The following PTPRT variants were observed in gnomAD, a reference collection of about 807,000 sequenced individuals.
The protein encoded by PTPRT is receptor-type tyrosine-protein phosphatase T.
A neutral mutation model predicts 176.8 loss-of-function variants in PTPRT; 56 were observed. That is an observed-to-expected ratio of 0.32 (90% CI 0.26 to 0.40). PTPRT has a LOEUF of 0.40. Ranked by LOEUF, PTPRT falls within the 10% of genes least tolerant of loss-of-function variation. The pLI is 1.00. For missense variants in PTPRT, 1,540 were observed against 1,908.2 expected (o/e 0.81, Z 3.60); for synonymous variants, 783 against 739.0 (o/e 1.06, Z -0.96).
intron 1 of PTPRT, among the ~76,000 whole-genome samples, chr20:43,028,828 G>T (rs1375309133): frequency 6.6e-6 from 1 of 152,198 alleles, no homozygotes; most frequent in East Asian, 1.9e-4. Context: ...GAGGAGAACT[G>T]AAATCAGGGC....
intron 6 of PTPRT, among the ~76,000 whole-genome samples, chr20:42,736,405 A>G (rs553919643): frequency 6.6e-6 from 1 of 152,348 alleles, no homozygotes; most frequent in African/African-American, 2.4e-5. Flanking sequence ...AGAAGCAGCA[A>G]GTAATAGAGA....
chr20:42,843,522 T>G (rs2078315476), intron 2 of PTPRT, among the ~76,000 whole-genome samples: 1 of 152,182 alleles, frequency 6.6e-6, no homozygotes, highest in African/African-American at 2.4e-5. Context: ...CATCTCAAAT[T>G]GTCATTTCTC....
At chr20:42,144,950 A>G (rs1988794677) in intron 17 of PTPRT, among the ~76,000 whole-genome samples, 1 of 152,214 alleles carries the variant, frequency 6.6e-6, no homozygotes, top group South Asian at 2.1e-4. Flanking sequence ...TTAACAGGCC[A>G]GTGCTCATGC....
chr20:42,587,157 C>A (rs1430061438), intron 7 of PTPRT, among the ~76,000 whole-genome samples: 1 of 152,210 alleles, frequency 6.6e-6, no homozygotes, highest in Non-Finnish European at 1.5e-5. Flanking sequence ...GAGTCAGCAA[C>A]CATTTTGTGC....
Position 42,878,178 on chromosome 20 carries a change from C to T in PTPRT, c.214+7629G>A, listed in dbSNP as rs75228432. On this transcript the variant is annotated intron_variant, in intron 2 of 30. Transcript: ENST00000373187. ...TCACCGCAACATGATTCAGGAGTAA[C>T]TGGAAAGGACTTAAATATGCAACAA... 9.5e-4 allele frequency among the ~76,000 whole-genome samples: 144 copies of T among 152,220 alleles called. 3 individuals are homozygous for T. In the East Asian group the frequency reaches 0.026, roughly 27 times the overall value.
At chr20:42,150,663 T>C (rs762055786) in intron 17 of PTPRT, among the ~76,000 whole-genome samples, 2 of 152,184 alleles carry the variant, frequency 1.3e-5, no homozygotes, top group Admixed American at 6.5e-5. Context: ...CAGACTAAAA[T>C]GTTTGAATAT....
chr20:42,248,867 C>T (rs2056501945), intron 13 of PTPRT, 45 bp from the exon 14 acceptor site: 4 of 1,603,432 alleles, frequency 2.5e-6, no homozygotes, highest in Non-Finnish European at 3.4e-6. Context: ...AGCACCCAAA[C>T]ATGCGACTAG....
chr20:42,537,449 T>C (rs1160236721), intron 7 of PTPRT, among the ~76,000 whole-genome samples: 1 of 152,224 alleles, frequency 6.6e-6, no homozygotes, highest in Admixed American at 6.5e-5. Context: ...AACAAACTTA[T>C]TGTGTGTCTA....
At chr20:42,179,882 T>C (rs1313656137) in intron 16 of PTPRT, among the ~76,000 whole-genome samples, 1 of 152,182 alleles carries the variant, frequency 6.6e-6, no homozygotes, top group African/African-American at 2.4e-5. Context: ...TAGCCAAGTA[T>C]AGCCAGCTGT....
chr20:42,108,553 A>G (rs1442647445), intron 23 of PTPRT, among the ~76,000 whole-genome samples: 1 of 152,258 alleles, frequency 6.6e-6, no homozygotes, highest in Non-Finnish European at 1.5e-5. Flanking sequence ...GCCTGGATAC[A>G]TAGCCATTTT....
chr20:42,391,506 G>C (rs1221928135), intron 9 of PTPRT, among the ~76,000 whole-genome samples: 1 of 152,138 alleles, frequency 6.6e-6, no homozygotes, highest in Non-Finnish European at 1.5e-5. Flanking sequence ...AAAGGTTCCA[G>C]GGCACCTCAG....
chr20:43,101,273 A>G (rs1346053797), intron 1 of PTPRT, among the ~76,000 whole-genome samples: 1 of 152,094 alleles, frequency 6.6e-6, no homozygotes, highest in African/African-American at 2.4e-5. Context: ...GATGTATGTA[A>G]AAGACTCTTT....
chr20:42,529,351 T>C (rs1422278854), intron 7 of PTPRT, among the ~76,000 whole-genome samples: 1 of 152,208 alleles, frequency 6.6e-6, no homozygotes, highest in Non-Finnish European at 1.5e-5. Context: ...TGAGCCGGGT[T>C]TGACACATGT....
intron 1 of PTPRT, among the ~76,000 whole-genome samples, chr20:42,996,830 C>T (rs1244299100): frequency 1.3e-5 from 2 of 152,082 alleles, no homozygotes; most frequent in African/African-American, 2.4e-5. Flanking sequence ...TATGTCTCAG[C>T]GTCACTATTT....
At chr20:43,050,410 C>T (rs1032360833) in intron 1 of PTPRT, among the ~76,000 whole-genome samples, 2 of 152,182 alleles carry the variant, frequency 1.3e-5, no homozygotes, top group African/African-American at 2.4e-5. Flanking sequence ...ACTAAAGGCC[C>T]GGATTGGTGC....
intron 1 of PTPRT, among the ~76,000 whole-genome samples, chr20:43,033,766 C>CATCAGGAAGGAGGGAGGGT (rs1986247461): frequency 6.6e-6 from 1 of 152,152 alleles, no homozygotes; most frequent in African/African-American, 2.4e-5. Context: ...ATGCTAAGGT[C>CATCAGGAAGGAGGGAGGGT]ATCAGGAAGG....
At chr20:42,259,784 G>C (rs1188552727) in intron 13 of PTPRT, among the ~76,000 whole-genome samples, 1 of 152,122 alleles carries the variant, frequency 6.6e-6, no homozygotes, top group Non-Finnish European at 1.5e-5. Flanking sequence ...CTGCATCCAT[G>C]GTGGGGTCAA....
intron 9 of PTPRT, among the ~76,000 whole-genome samples, chr20:42,366,105 A>C (rs1444667284): frequency 6.6e-6 from 1 of 152,150 alleles, no homozygotes; most frequent in African/African-American, 2.4e-5. Flanking sequence ...CCTGGCCACA[A>C]CTCAGCCCAG....
chr20:42,689,331 A>G (rs544215974), intron 6 of PTPRT, among the ~76,000 whole-genome samples: 3 of 152,300 alleles, frequency 2.0e-5, no homozygotes, highest in Admixed American at 6.5e-5. Context: ...GGAGGCAGTC[A>G]GATAAGAATC....
Sources: allele counts gnomAD v4.1 joint callset (sites outside exome capture counted in the v4.1 genomes callset), GRCh38; gene constraint gnomAD v4.1.1; transcripts MANE v1.5; gene names NCBI Gene and HGNC (gene_info 2026-07-23, HGNC 2026-07-21).